The following TMEM131L variants were observed in gnomAD, a reference collection of about 807,000 sequenced individuals.
The protein encoded by TMEM131L is transmembrane protein 131-like.
TMEM131L carries 54 observed loss-of-function variants against 192.2 expected under a neutral mutation model. The observed-to-expected ratio is 0.28, with a 90% CI of 0.23 to 0.35. The LOEUF is 0.35. Among genes scored for constraint, TMEM131L ranks in the 10% least tolerant of loss-of-function variants. The pLI is 1.00. For synonymous variants in TMEM131L, 701 were observed against 704.9 expected (o/e 0.99, Z 0.09); for missense variants, 1,888 against 1,972.9 (o/e 0.96, Z 0.82).
At chr4:153,550,019 C>G in intron 3 of TMEM131L, 54 bp from the exon 4 acceptor site, 1 of 849,666 alleles carries the variant, frequency 1.2e-6, no homozygotes, top group South Asian at 1.8e-5. Flanking sequence ...CGTTATATCT[C>G]AGCATTTAAA....
At position 153,481,497 on chromosome 4, in the gene TMEM131L, A is replaced by C. The variant is rs575743822; in HGVS notation, c.239+7609A>C. On this transcript the variant is annotated intron_variant, in intron 3 of 34. Transcript: ENST00000409959. ...TGCAAACCATATTTGCCATTGAAAT[A>C]ACAGGACTAGTATTTGTGTTAGAGG... Among the ~76,000 whole-genome samples the C allele has an allele frequency of 3.1e-4, 47 of 152,332 alleles. 1 individual carries two copies. In the South Asian group the frequency reaches 9.3e-3, roughly 30 times the overall value.
rs1362398649 is a variant in TMEM131L, at chr4:153,543,470, A to G, written c.240-6603A>G. On this transcript the variant is annotated intron_variant, in intron 3 of 34. Coordinates refer to ENST00000409959, the MANE Select transcript of TMEM131L (RefSeq NM_001131007.2). ...TGCAGCTTAGGCCATTTGTTTTTCA[A>G]GGAAGGCCCTAAAGGTCAGTGCCTT... Among the ~76,000 whole-genome samples the G allele has an allele frequency of 3.9e-5, 6 of 152,226 alleles. No homozygotes were observed. In the East Asian group the frequency reaches 1.2e-3, roughly 29 times the overall value.
chr4:153,596,496 C>A, intron 20 of TMEM131L, 111 bp downstream of exon 20: 2 of 1,341,200 alleles, frequency 1.5e-6, no homozygotes, highest in Non-Finnish European at 1.0e-6. Flanking sequence ...AGGATGAAGG[C>A]TGTGTTGCGG....
intron 3 of TMEM131L, among the ~76,000 whole-genome samples, chr4:153,545,111 A>G (rs751124778): frequency 5.3e-5 from 8 of 152,166 alleles, no homozygotes; most frequent in Non-Finnish European, 1.2e-4. Flanking sequence ...CCTAGGCATA[A>G]GAAATCTGGG....
At chr4:153,504,003 G>A (rs1306547369) in intron 3 of TMEM131L, among the ~76,000 whole-genome samples, 2 of 152,088 alleles carry the variant, frequency 1.3e-5, no homozygotes, top group African/African-American at 4.8e-5. Flanking sequence ...GTCTTGCTCT[G>A]TCGCCCAGGC....
intron 3 of TMEM131L, among the ~76,000 whole-genome samples, chr4:153,529,199 T>G (rs994864461): frequency 1.3e-5 from 2 of 152,342 alleles, no homozygotes. Flanking sequence ...ATGGAAATGT[T>G]CTGTTCCATA....
intron 26 of TMEM131L, among the ~76,000 whole-genome samples, chr4:153,618,156 G>A (rs1733125614): frequency 1.3e-5 from 2 of 151,956 alleles, no homozygotes; most frequent in Admixed American, 6.6e-5. Context: ...TAAAGCTTAG[G>A]AAATGTTTCT....
At chr4:153,512,679 T>A (rs1346924322) in intron 3 of TMEM131L, among the ~76,000 whole-genome samples, 1 of 152,202 alleles carries the variant, frequency 6.6e-6, no homozygotes, top group Non-Finnish European at 1.5e-5. Context: ...AGTGGCTCAA[T>A]CTCAGCTCAC....
At chr4:153,569,019 A>G (rs1171973642) in intron 7 of TMEM131L, among the ~76,000 whole-genome samples, 1 of 152,162 alleles carries the variant, frequency 6.6e-6, no homozygotes, top group East Asian at 1.9e-4. Context: ...GGAGGAGGAA[A>G]GAAACCAACT....
At position 153,586,113 on chromosome 4, in the gene TMEM131L, C is replaced by G. The variant is rs1276950586; in HGVS notation, c.1312-96C>G. 3 of 882,498 alleles carry G rather than the reference C, an allele frequency of 3.4e-6. No homozygotes were observed. In the African/African-American group the frequency reaches 5.3e-5, roughly 16 times the overall value. The allele number at this position is 882,498 out of a possible 1,614,324, so 54.7% of individuals were successfully genotyped here. On this transcript the variant is annotated intron_variant, in intron 13 of 34. Transcript: ENST00000409959. The stretch of plus-strand genomic sequence containing the variant: ...AAATAACTGAGTAAAATCATACTTT[C>G]TGAAGTATAGAAGAATGTTAGCATC...
intron 9 of TMEM131L, among the ~76,000 whole-genome samples, chr4:153,582,160 C>A (rs4696467): frequency 1.1e-4 from 17 of 152,146 alleles, no homozygotes; most frequent in African/African-American, 3.9e-4. Context: ...ATCAAGACTT[C>A]TGAATGTGAC....
At chr4:153,541,897 C>T (rs72971056) in intron 3 of TMEM131L, among the ~76,000 whole-genome samples, 14,227 of 152,294 alleles carry the variant, frequency 0.093, 2,169 homozygotes, top group African/African-American at 0.32. Flanking sequence ...GATTCTTCAA[C>T]TTCTTTGCTT....
At chr4:153,588,570 T>C (rs542350459) in intron 15 of TMEM131L, among the ~76,000 whole-genome samples, 50 of 151,962 alleles carry the variant, frequency 3.3e-4, no homozygotes, top group Non-Finnish European at 6.5e-4. Context: ...GGAAGGAGTT[T>C]CGCATTTTAG....
intron 3 of TMEM131L, among the ~76,000 whole-genome samples, chr4:153,481,422 C>G (rs1731930216): frequency 6.6e-6 from 1 of 152,238 alleles, no homozygotes; most frequent in South Asian, 2.1e-4. Flanking sequence ...ACATTTAAAG[C>G]TTTTACATTG....
intron 3 of TMEM131L, among the ~76,000 whole-genome samples, chr4:153,520,367 G>A (rs1420938954): frequency 1.3e-5 from 2 of 152,166 alleles, no homozygotes; most frequent in Non-Finnish European, 2.9e-5. Flanking sequence ...GCTACTTGGA[G>A]GCTGAGGCAG....
At position 153,530,228 on chromosome 4, in the gene TMEM131L, G is replaced by C. The variant is rs190077179; in HGVS notation, c.240-19845G>C. 1.6e-3 allele frequency among the ~76,000 whole-genome samples: 243 copies of C among 152,256 alleles called. 1 individual carries two copies. The highest frequency in any genetic ancestry group is 5.5e-3 in the African/African-American group (228 of 41,536). ...ACGTGATTATCAGGATATTCCAGGG[G>C]AAGTGGCATTAGTATACTTAAACTG... On this transcript the variant is annotated intron_variant, in intron 3 of 34. Coordinates refer to ENST00000409959, the MANE Select transcript of TMEM131L (RefSeq NM_001131007.2).
At chr4:153,612,471 T>C (rs1269007611) in intron 26 of TMEM131L, 71 bp downstream of exon 26, 1 of 1,164,534 alleles carries the variant, frequency 8.6e-7, no homozygotes, top group Non-Finnish European at 1.2e-6. Context: ...TGAATATGTG[T>C]ATTTCATATG....
chr4:153,518,470 A>C (rs957604119), intron 3 of TMEM131L, among the ~76,000 whole-genome samples: 1 of 152,174 alleles, frequency 6.6e-6, no homozygotes, highest in South Asian at 2.1e-4. Flanking sequence ...AGAAACTGTT[A>C]ATGGAATAGA....
intron 1 of TMEM131L, 133 bp from the exon 2 acceptor site, chr4:153,467,077 GA>G (rs1163768960): frequency 7.0e-6 from 6 of 855,234 alleles, no homozygotes; most frequent in Non-Finnish European, 7.6e-6. Flanking sequence ...TCGCCCCTGG[GA>G]TGGCCTCTGT....
Sources: gnomAD v4.1 joint callset for allele counts (sites outside exome capture counted in the v4.1 genomes callset) on GRCh38, gnomAD v4.1.1 for gene constraint, MANE v1.5 for transcripts, NCBI Gene and HGNC (gene_info 2026-07-23, HGNC 2026-07-21) for gene names.